SNTG2: variants seen among roughly 807,000 people sequenced by gnomAD.
The protein encoded by SNTG2 is syntrophin gamma 2.
Under a neutral mutation model 70.9 loss-of-function variants are expected in SNTG2, and 74 were observed. The observed-to-expected ratio is 1.04, with a 90% CI of 0.86 to 1.27. The LOEUF (loss-of-function observed/expected upper bound fraction) is 1.27, where lower values mean the gene tolerates loss of function less well. Ranked by LOEUF, SNTG2 falls within the 50% of genes most tolerant of loss-of-function variation. SNTG2 has a pLI of 0.00. For missense variants in SNTG2, 717 were observed against 690.7 expected (o/e 1.04, Z -0.43); for synonymous variants, 278 against 273.8 (o/e 1.02, Z -0.15).
intron 1 of SNTG2, among the ~76,000 whole-genome samples, chr2:961,180 T>A (rs1660337362): frequency 1.3e-5 from 2 of 152,218 alleles, no homozygotes. Context: ...TGGGAGGCTT[T>A]TGGTTTGAAA....
intron 6 of SNTG2, 32 bp from the exon 7 acceptor site, chr2:1,165,515 TG>T: frequency 1.3e-6 from 2 of 1,563,656 alleles, no homozygotes; most frequent in Non-Finnish European, 1.8e-6. Context: ...TCTTTTGTGG[TG>T]GTAAAAGTAG....
chr2:1,135,908 C>T (rs1057464775), intron 4 of SNTG2, among the ~76,000 whole-genome samples: 4 of 152,150 alleles, frequency 2.6e-5, no homozygotes, highest in African/African-American at 7.2e-5. Flanking sequence ...ACAACCTTAT[C>T]CCTATACTGT....
chr2:1,249,710 T>C (rs1322388373), intron 12 of SNTG2, among the ~76,000 whole-genome samples: 1 of 152,258 alleles, frequency 6.6e-6, no homozygotes, highest in Non-Finnish European at 1.5e-5. Context: ...CTGACTATGT[T>C]TGATTTTGAA....
intron 4 of SNTG2, among the ~76,000 whole-genome samples, chr2:1,099,013 C>T (rs182598028): frequency 2.0e-5 from 3 of 152,334 alleles, no homozygotes; most frequent in South Asian, 2.1e-4. Flanking sequence ...TTTCTGGCCA[C>T]ACATTCCACT....
At chr2:1,101,165 G>A (rs1160929956) in intron 4 of SNTG2, among the ~76,000 whole-genome samples, 4 of 152,190 alleles carry the variant, frequency 2.6e-5, no homozygotes, top group Admixed American at 6.5e-5. Context: ...TCCCAGGCTC[G>A]CATTCTGTGC....
intron 1 of SNTG2, among the ~76,000 whole-genome samples, chr2:960,370 G>C (rs964296457): frequency 6.6e-6 from 1 of 152,188 alleles, no homozygotes; most frequent in African/African-American, 2.4e-5. Context: ...TCTCTCCTTT[G>C]TTGGGAATGC....
chr2:1,062,256 C>T (rs1379560393), intron 1 of SNTG2, among the ~76,000 whole-genome samples: 1 of 152,210 alleles, frequency 6.6e-6, no homozygotes, highest in Admixed American at 6.5e-5. Context: ...ATCAAGCCCA[C>T]TCTCAGCCGT....
intron 1 of SNTG2, among the ~76,000 whole-genome samples, chr2:1,006,402 C>CA (rs1553307556): frequency 0.2 from 11,380 of 55,854 alleles, 608 homozygotes; most frequent in Admixed American, 0.34. Context: ...AGTAGAATTT[C>CA]AAAAAAAAAA....
intron 16 of SNTG2, among the ~76,000 whole-genome samples, chr2:1,348,783 T>C (rs1660431375): frequency 3.3e-5 from 5 of 152,222 alleles, no homozygotes; most frequent in Admixed American, 3.3e-4. Context: ...TTCAAATATT[T>C]TACAGAGTTT....
intron 7 of SNTG2, among the ~76,000 whole-genome samples, chr2:1,166,772 C>T (rs922948264): frequency 6.6e-6 from 1 of 152,186 alleles, no homozygotes; most frequent in Non-Finnish European, 1.5e-5. Flanking sequence ...CCTATAACAA[C>T]CCCAAGACCC....
intron 12 of SNTG2, among the ~76,000 whole-genome samples, chr2:1,255,825 T>TATATATAAAA (rs1678028240): frequency 1.7e-5 from 1 of 59,136 alleles, no homozygotes; most frequent in Non-Finnish European, 2.9e-5. Context: ...TGTATGTATA[T>TATATATAAAA]ATATATAAAT....
chr2:1,242,435 C>T (rs1677112712), intron 11 of SNTG2, among the ~76,000 whole-genome samples: 1 of 152,058 alleles, frequency 6.6e-6, no homozygotes, highest in South Asian at 2.1e-4. Context: ...CTACAAAAAG[C>T]ATAATGTATG....
At chr2:1,192,738 C>A (rs1044567368) in intron 8 of SNTG2, among the ~76,000 whole-genome samples, 1 of 152,086 alleles carries the variant, frequency 6.6e-6, no homozygotes, top group African/African-American at 2.4e-5. Flanking sequence ...CTGATCACAC[C>A]GTCCCTCCTA....
intron 14 of SNTG2, among the ~76,000 whole-genome samples, chr2:1,269,611 G>A (rs974210956): frequency 2.6e-5 from 4 of 152,130 alleles, no homozygotes; most frequent in Non-Finnish European, 5.9e-5. Context: ...GAAGTGGTTA[G>A]TCTCTTTTAA....
chr2:999,227 A>G (rs984681590), intron 1 of SNTG2, among the ~76,000 whole-genome samples: 2 of 152,116 alleles, frequency 1.3e-5, no homozygotes, highest in Non-Finnish European at 2.9e-5. Flanking sequence ...AATTATGCAA[A>G]TGAGACTACA....
chr2:1,253,623 G>A (rs750594987), intron 12 of SNTG2, among the ~76,000 whole-genome samples: 4 of 152,216 alleles, frequency 2.6e-5, no homozygotes, highest in Admixed American at 2.0e-4. Context: ...TCAAGATGAG[G>A]AAGAGGAAGA....
chr2:1,221,091 A>C (rs937617595), intron 9 of SNTG2, among the ~76,000 whole-genome samples: 1 of 152,188 alleles, frequency 6.6e-6, no homozygotes, highest in African/African-American at 2.4e-5. Flanking sequence ...ATCATTCTTG[A>C]GAAATCACTC....
At chr2:979,520 C>G (rs1264511096) in intron 1 of SNTG2, among the ~76,000 whole-genome samples, 1 of 152,164 alleles carries the variant, frequency 6.6e-6, no homozygotes, top group Non-Finnish European at 1.5e-5. Flanking sequence ...TTTTACCACA[C>G]AGCTCCTCTC....
chr2:1,157,854 T>C (rs1049308607), intron 6 of SNTG2, among the ~76,000 whole-genome samples: 6 of 152,020 alleles, frequency 3.9e-5, no homozygotes, highest in South Asian at 2.1e-4. Context: ...CTCTGGGAGG[T>C]TTTGGAAGGA....
Sources: allele counts gnomAD v4.1 joint callset (sites outside exome capture counted in the v4.1 genomes callset), GRCh38; gene constraint gnomAD v4.1.1; transcripts MANE v1.5; gene names NCBI Gene and HGNC (gene_info 2026-07-23, HGNC 2026-07-21).